Variants in CDH23 observed in about 807,000 individuals in gnomAD.
CDH23 encodes the protein cadherin-23.
Under a neutral mutation model 317.1 loss-of-function variants are expected in CDH23, and 189 were observed. The observed-to-expected ratio is 0.60, with a 90% CI of 0.53 to 0.67. CDH23 has a LOEUF of 0.67. Among genes scored for constraint, CDH23 ranks in the 30% least tolerant of loss-of-function variants. CDH23 has a pLI of 0.00. For missense variants in CDH23, 4,401 were observed against 4,592.4 expected, an observed-to-expected ratio of 0.96 and a Z score of 1.20; for synonymous variants, 1,839 against 1,876.8, an observed-to-expected ratio of 0.98 and a Z score of 0.52.
At chr10:71,539,057 C>T (rs933002556) in intron 6 of CDH23, among the ~76,000 whole-genome samples, 1 of 152,242 alleles carries the variant, frequency 6.6e-6, no homozygotes, top group African/African-American at 2.4e-5. Context: ...CTTGGTCCTT[C>T]CAGTCCAGAC....
chr10:71,501,790 G>A (rs1403587044), intron 3 of CDH23, among the ~76,000 whole-genome samples: 1 of 152,226 alleles, frequency 6.6e-6, no homozygotes, highest in African/African-American at 2.4e-5. Flanking sequence ...ATCCCAGGGA[G>A]AGTGGGAGGG....
chr10:71,588,690 C>T (rs190482927), intron 9 of CDH23, among the ~76,000 whole-genome samples: 1 of 152,278 alleles, frequency 6.6e-6, no homozygotes, highest in African/African-American at 2.4e-5. Context: ...CTATAAAATC[C>T]CCACAAAATA....
rs1014322963 is a variant in CDH23, at chr10:71,774,588, A to G, written c.4846-3092A>G. Among the ~76,000 whole-genome samples the G allele has an allele frequency of 1.9e-4, 29 of 152,142 alleles. 1 individual carries two copies. Among genetic ancestry groups the G allele is most frequent in the African/African-American group, 6.0e-4 (25 of 41,430 alleles). On this transcript the variant is annotated intron_variant, in intron 38 of 69. Coordinates refer to ENST00000224721, the MANE Select transcript of CDH23 (RefSeq NM_022124.6). ...CCCTAGCACAAAGCTGGGCGTGGAG[A>G]AGGTTTTACTGCACTTTTATCTGAA... is the stretch of plus-strand genomic sequence containing the variant.
At position 71,751,724 on chromosome 10, in the gene CDH23, T is replaced by C; in HGVS notation, c.4845+9803T>C. 3 of 1,582,786 alleles carry C rather than the reference T, an allele frequency of 1.9e-6. No individual in the cohort carries two copies. Among genetic ancestry groups the C allele is most frequent in the Non-Finnish European group, 2.6e-6 (3 of 1,165,930 alleles). On this transcript the variant is annotated intron_variant, in intron 38 of 69. Transcript: ENST00000224721. The surrounding 1 kb of genome is among the most constrained non-coding windows in gnomAD (Gnocchi z 4.9). ...TGGAGGAGACAGGGGGGTGCTGGGC[T>C]CCGAAAGCAGATGCCGCCCAGACTC...
intron 57 of CDH23, 129 bp downstream of exon 57, chr10:71,806,410 C>G: frequency 5.9e-6 from 4 of 674,178 alleles, no homozygotes; most frequent in Non-Finnish European, 1.1e-5. Context: ...TCTGCATGCA[C>G]TTCATGCAAG....
chr10:71,806,180 G>A lies in CDH23; in HGVS notation c.8077G>A (p.Ala2693Thr). Residue 2693 changes from alanine to threonine, a missense_variant, in exon 57 of 70, where the codon GCC becomes ACC. This residue lies in a region of CDH23 where 1,144 missense variants were observed against 1,138.2 expected (regional missense o/e 1.01). Coordinates refer to ENST00000224721, the MANE Select transcript of CDH23 (RefSeq NM_022124.6). ...SQAVYSLILV[A>T]SDLGQPVPYE... ...CTTCCGCTCCTAGCTCATCTTGGTG[G>A]CCAGCGACCTGGGCCAGCCAGTGCC... 1 of 1,563,682 alleles carries A rather than the reference G, an allele frequency of 6.4e-7. No individual in the cohort carries two copies. The highest frequency in any genetic ancestry group is 8.7e-7 in the Non-Finnish European group (1 of 1,154,826).
chr10:71,568,687 C>T (rs528661279), intron 7 of CDH23, among the ~76,000 whole-genome samples: 4 of 152,300 alleles, frequency 2.6e-5, no homozygotes, highest in African/African-American at 9.6e-5. Flanking sequence ...AGCACTTCCC[C>T]AAGGAAGGAG....
chr10:71,581,995 C>T (rs1333855840), intron 9 of CDH23, among the ~76,000 whole-genome samples: 1 of 152,228 alleles, frequency 6.6e-6, no homozygotes, highest in African/African-American at 2.4e-5. Context: ...GATGTTCGAC[C>T]TCTCAATCCT....
At chr10:71,473,638 G>C (rs878290) in intron 3 of CDH23, among the ~76,000 whole-genome samples, 21,964 of 152,204 alleles carry the variant, frequency 0.14, 2,167 homozygotes, top group African/African-American at 0.28. Context: ...AGATAAAAAA[G>C]TACTTACTTC....
rs372607534 is a variant in CDH23 at position 71,695,455 on chromosome 10, C to T, written c.2327C>T (p.Pro776Leu). Residue 776 changes from proline to leucine, a missense_variant, in exon 22 of 70, where the codon CCC becomes CTC. Transcript: ENST00000224721. ...CTCCTGGACATCAATGACAACCACCCCACGTGGAAGGACGCACCCTACTAC... is the reference window on the plus strand; with the variant it reads ...CTCCTGGACATCAATGACAACCACCTCACGTGGAAGGACGCACCCTACTAC... The part of the protein sequence containing the change: ...ITLLDINDNH[P>L]TWKDAPYYIN... 1 of 1,613,618 alleles carries T rather than the reference C, an allele frequency of 6.2e-7. No homozygotes were observed. The highest frequency in any genetic ancestry group is 1.3e-5 in the African/African-American group (1 of 75,056).
intron 14 of CDH23, among the ~76,000 whole-genome samples, chr10:71,667,192 G>A (rs1271961686): frequency 2.6e-5 from 4 of 152,138 alleles, no homozygotes; most frequent in Admixed American, 6.5e-5. Context: ...CGTGCGTGAC[G>A]GGAGTGTGGG....
chr10:71,443,447 C>G (rs946572433), intron 2 of CDH23, among the ~76,000 whole-genome samples: 4 of 152,250 alleles, frequency 2.6e-5, no homozygotes, highest in African/African-American at 9.6e-5. Context: ...ATTCAGCAGG[C>G]AGCTGGAATG....
At chr10:71,620,404 A>C (rs904795978) in intron 11 of CDH23, among the ~76,000 whole-genome samples, 2 of 151,978 alleles carry the variant, frequency 1.3e-5, no homozygotes, top group African/African-American at 4.8e-5. Flanking sequence ...GTGCCACCAG[A>C]TGTAAGGCCG....
chr10:71,425,219 CAGAGAGAGAGAGGG>C (rs745847012), intron 1 of CDH23, among the ~76,000 whole-genome samples: 1,431 of 55,094 alleles, frequency 0.026, 29 homozygotes, highest in Middle Eastern at 0.066. Flanking sequence ...CACAGTGGGG[CAGAGAGAGAGAGGG>C]AGAGAGAGAG....
chr10:71,631,176 T>G (rs957878635), intron 11 of CDH23, among the ~76,000 whole-genome samples: 1 of 152,106 alleles, frequency 6.6e-6, no homozygotes, highest in African/African-American at 2.4e-5. Context: ...CCCGGAGATT[T>G]AGGCTGCAGT....
intron 21 of CDH23, among the ~76,000 whole-genome samples, chr10:71,694,522 G>A (rs1227772890): frequency 6.6e-6 from 1 of 152,162 alleles, no homozygotes; most frequent in African/African-American, 2.4e-5. Context: ...TAAAAATCCA[G>A]GAGGGCAGGT....
At chr10:71,636,176 T>C (rs1309391035) in intron 11 of CDH23, among the ~76,000 whole-genome samples, 1 of 151,434 alleles carries the variant, frequency 6.6e-6, no homozygotes, top group Non-Finnish European at 1.5e-5. Flanking sequence ...GGAGAGAGAA[T>C]CAGGAGAATG....
chr10:71,428,295 G>T (rs1442776503), intron 1 of CDH23, among the ~76,000 whole-genome samples: 2 of 151,026 alleles, frequency 1.3e-5, no homozygotes, highest in Non-Finnish European at 2.9e-5. Context: ...GCATCACCAG[G>T]CCCAGCTAAT....
chr10:71,405,269 C>A (rs970346798), intron 1 of CDH23, among the ~76,000 whole-genome samples: 1 of 152,090 alleles, frequency 6.6e-6, no homozygotes, highest in African/African-American at 2.4e-5. Flanking sequence ...CCGAACTGCC[C>A]CTGGCCCGGG....
Sources: gnomAD v4.1 joint callset for allele counts (sites outside exome capture counted in the v4.1 genomes callset) on GRCh38, gnomAD v4.1.1 for gene constraint, gnomAD v4.1.1 regional missense constraint, Gnocchi (gnomAD v3.1) non-coding constraint, MANE v1.5 for transcripts, NCBI Gene and HGNC (gene_info 2026-07-23, HGNC 2026-07-21) for gene names.